MMRN1: variants seen among roughly 807,000 people sequenced by gnomAD.
MMRN1 encodes multimerin 1, also known as multimerin-1.
Under a neutral mutation model 100.7 loss-of-function variants are expected in MMRN1, and 94 were observed. That is an observed-to-expected ratio of 0.93 (90% CI 0.79 to 1.11). The LOEUF is 1.11. Among genes scored for constraint, MMRN1 ranks in the 50% least tolerant of loss-of-function variants. The probability of loss-of-function intolerance (pLI) is 0.00; values close to 1 mark genes in which losing one functional copy is unlikely to be tolerated. For missense variants in MMRN1, 1,606 were observed against 1,439.1 expected (o/e 1.12, Z -1.88); for synonymous variants, 575 against 505.0 (o/e 1.14, Z -1.86).
At chr4:89,891,495 C>T (rs1721053272), upstream of MMRN1, among the ~76,000 whole-genome samples, 2 of 151,936 alleles carry the variant, frequency 1.3e-5, no homozygotes, top group Admixed American at 1.3e-4. Context: ...GTTTAACTTC[C>T]CATGAGTATA....
chr4:89,921,677 A>G (rs1722094054), intron 3 of MMRN1, among the ~76,000 whole-genome samples: 1 of 152,214 alleles, frequency 6.6e-6, no homozygotes, highest in Non-Finnish European at 1.5e-5. Flanking sequence ...ACAGGACTTT[A>G]TAGAATACAG....
intron 1 of MMRN1, among the ~76,000 whole-genome samples, chr4:89,908,904 C>A (rs1344306662): frequency 6.6e-6 from 1 of 151,312 alleles, no homozygotes; most frequent in African/African-American, 2.4e-5. Flanking sequence ...TTATGCTTTA[C>A]TGCACATAAT....
chr4:89,928,353 G>A (rs958500334), intron 5 of MMRN1, among the ~76,000 whole-genome samples: 2 of 152,090 alleles, frequency 1.3e-5, no homozygotes, highest in African/African-American at 4.8e-5. Context: ...TATTGATGGA[G>A]ACATTGAGGA....
intron 3 of MMRN1, among the ~76,000 whole-genome samples, chr4:89,914,094 C>T (rs954286295): frequency 6.6e-6 from 1 of 151,250 alleles, no homozygotes; most frequent in Non-Finnish European, 1.5e-5. Context: ...TCCCTTGAAC[C>T]TTCATTATAT....
Position 89,895,033 on chromosome 4 carries a change from A to G in MMRN1, c.62A>G (p.Asn21Ser). Residue 21 changes from asparagine to serine, a missense_variant, in exon 1 of 8, where the codon AAC becomes AGC. Coordinates refer to ENST00000264790, the MANE Select transcript of MMRN1 (RefSeq NM_007351.3). ...SSLWSGGIGLNNSKHSWTIPE... is the reference protein window; with the variant it reads ...SSLWSGGIGLSNSKHSWTIPE... ...TTATGGAGTGGGGGCATTGGGCTTA[A>G]CAACAGTAAGCATTCTTGGACTATA... 1 of 1,613,846 alleles carries G rather than the reference A, an allele frequency of 6.2e-7. No individual in the cohort carries two copies. Among genetic ancestry groups the G allele is most frequent in the Non-Finnish European group, 8.5e-7 (1 of 1,179,856 alleles).
chr4:89,923,788 A>G (rs1024062376), intron 4 of MMRN1, among the ~76,000 whole-genome samples: 7 of 152,164 alleles, frequency 4.6e-5, no homozygotes, highest in South Asian at 2.1e-4. Context: ...AGTTTTTGCC[A>G]TTTCTTTTAG....
rs1027844357 is a variant in MMRN1, at chr4:89,934,810, G to A, written c.1130G>A (p.Gly377Asp). ...TATTATTAATTATTTCTTTCTCTAG[G>A]TCTAAAATCCAAAAGCATTAATGTA... ...KSREFQSLLK[G>D]LKSKSINVLI... Residue 377 changes from glycine (G) to aspartate (D), a missense_variant and splice_region_variant, in exon 6 of 8, where the codon GGT (glycine) becomes GAT (aspartate). Physicochemically the swap from Gly to Asp is moderately conservative, Grantham distance 94. Transcript: ENST00000264790. 1.4e-6 allele frequency: 2 copies of A among 1,430,582 alleles called. No individual in the cohort carries two copies. Among genetic ancestry groups the A allele is most frequent in the Non-Finnish European group, 1.9e-6 (2 of 1,072,086 alleles). 88.6% of individuals were successfully genotyped at this position (1,430,582 alleles called of 1,614,324 possible).
rs557773775 is a variant in MMRN1, at chr4:89,900,292, T to C, written c.623+4698T>C. Among the ~76,000 whole-genome samples the C allele has an allele frequency of 1.2e-4, 19 of 152,196 alleles. No homozygotes were observed. The East Asian group carries it at 3.7e-3, about 30-fold the overall frequency. Reference sequence around the variant, plus strand: ...TGTCACACTCCAAGATCACTGCACTTCATTTCCTCCAGCCACACTGGCTTC... The same window carrying C: ...TGTCACACTCCAAGATCACTGCACTCCATTTCCTCCAGCCACACTGGCTTC... On this transcript the variant is annotated intron_variant, in intron 1 of 7. Transcript: ENST00000264790.
chr4:89,933,329 T>G (rs1009965040), intron 5 of MMRN1, among the ~76,000 whole-genome samples: 13 of 152,140 alleles, frequency 8.5e-5, no homozygotes, highest in African/African-American at 2.4e-4. Flanking sequence ...TTCTGACATA[T>G]TCCCGTCTTC....
chr4:89,935,966 T>A lies in MMRN1; in HGVS notation c.2286T>A (p.His762Gln). The change falls in exon 6 of 8, where the codon CAT becomes CAA. Residue 762 changes from histidine to glutamine, a missense_variant. By Grantham distance (24) the His-to-Gln change is conservative. Transcript: ENST00000264790. ...LSTIKDNSEI[H>Q]HKCTSDMETI... is the part of the protein sequence containing the mutation. ...CTATTAAGGATAATAGTGAGATCCATCATAAATGTACCTCCGATATGGAAA... is the reference window on the plus strand; with the variant it reads ...CTATTAAGGATAATAGTGAGATCCAACATAAATGTACCTCCGATATGGAAA... 1 of 1,612,510 alleles carries A rather than the reference T, an allele frequency of 6.2e-7. No homozygotes were observed. Among genetic ancestry groups the A allele is most frequent in the African/African-American group, 1.3e-5 (1 of 74,992 alleles).
At chr4:89,925,302 ATTTTTTT>A (rs1176427401) in intron 4 of MMRN1, among the ~76,000 whole-genome samples, 167 of 101,964 alleles carry the variant, frequency 1.6e-3, no homozygotes, top group African/African-American at 3.7e-3. Context: ...TGCCTGGTTA[ATTTTTTT>A]TTTTTTTTTT....
chr4:89,934,798 T>C lies in MMRN1; in HGVS notation c.1130-12T>C, dbSNP rs747587662. On this transcript the variant is annotated splice_polypyrimidine_tract_variant and intron_variant, in intron 5 of 7. Coordinates refer to ENST00000264790, the MANE Select transcript of MMRN1 (RefSeq NM_007351.3). Reference sequence around the variant, plus strand: ...ATTAAAACTATGTATTATTAATTATTTCTTTCTCTAGGTCTAAAATCCAAA... The same window carrying C: ...ATTAAAACTATGTATTATTAATTATCTCTTTCTCTAGGTCTAAAATCCAAA... The C allele has an allele frequency of 1.4e-6, 2 of 1,383,840 alleles. No individual in the cohort carries two copies. The highest frequency in any genetic ancestry group is 1.9e-6 in the Non-Finnish European group (2 of 1,034,598). 85.7% of individuals were successfully genotyped at this position (1,383,840 alleles called of 1,614,324 possible).
chr4:89,934,392 A>G (rs1478819648), intron 5 of MMRN1, among the ~76,000 whole-genome samples: 1 of 152,172 alleles, frequency 6.6e-6, no homozygotes, highest in Non-Finnish European at 1.5e-5. Context: ...CTTAATTAGT[A>G]GAAACCTAAC....
At chr4:89,918,974 T>C (rs541640342) in intron 3 of MMRN1, among the ~76,000 whole-genome samples, 2 of 151,890 alleles carry the variant, frequency 1.3e-5, no homozygotes, top group East Asian at 1.9e-4. Flanking sequence ...AAAATACTTG[T>C]ATATGAAAGA....
chr4:89,917,994 C>T (rs957081603), intron 3 of MMRN1, among the ~76,000 whole-genome samples: 7 of 151,614 alleles, frequency 4.6e-5, no homozygotes, highest in Non-Finnish European at 1.0e-4. Context: ...CGTCATTAGG[C>T]CAAATTCATC....
chr4:89,945,024 C>G (rs1425221628), intron 6 of MMRN1, among the ~76,000 whole-genome samples: 3 of 152,184 alleles, frequency 2.0e-5, no homozygotes, highest in Non-Finnish European at 4.4e-5. Flanking sequence ...CCTGTTCCTA[C>G]TACCAAGCAC....
intron 6 of MMRN1, among the ~76,000 whole-genome samples, chr4:89,945,748 T>G (rs1722967477): frequency 6.6e-6 from 1 of 152,184 alleles, no homozygotes; most frequent in South Asian, 2.1e-4. Flanking sequence ...AAGTAAATCC[T>G]TTCGGACAGG....
chr4:89,942,326 A>G (rs923140638), intron 6 of MMRN1, among the ~76,000 whole-genome samples: 2 of 152,184 alleles, frequency 1.3e-5, no homozygotes, highest in Non-Finnish European at 2.9e-5. Flanking sequence ...CATTAACTAT[A>G]TTATGAATTT....
intron 1 of MMRN1, among the ~76,000 whole-genome samples, chr4:89,884,669 A>T (rs940324233): frequency 3.3e-5 from 5 of 152,090 alleles, no homozygotes; most frequent in African/African-American, 1.2e-4. Context: ...CAATCAGAGC[A>T]CAGTGCAGCC....
Sources: gnomAD v4.1 joint callset for allele counts (sites outside exome capture counted in the v4.1 genomes callset) on GRCh38, gnomAD v4.1.1 for gene constraint, MANE v1.5 for transcripts, NCBI Gene and HGNC (gene_info 2026-07-23, HGNC 2026-07-21) for gene names.